FYB1: variants seen among roughly 807,000 people sequenced by gnomAD.
FYB1 encodes the protein FYN binding protein 1, also known as FYN-binding protein 1.
Under a neutral mutation model 94.1 loss-of-function variants are expected in FYB1, and 41 were observed. The ratio of observed to expected loss-of-function variants is 0.44; its 90% CI spans 0.34 to 0.57. The LOEUF is 0.57. Among genes scored for constraint, FYB1 ranks in the 20% least tolerant of loss-of-function variants. The pLI is 0.02. For synonymous variants in FYB1, 367 were observed against 353.2 expected, an observed-to-expected ratio of 1.04 and a Z score of -0.44; for missense variants, 1,050 against 976.8, an observed-to-expected ratio of 1.07 and a Z score of -1.00.
chr5:39,134,762 C>G, intron 8 of FYB1, 93 bp downstream of exon 8: 1 of 1,359,076 alleles, frequency 7.4e-7, no homozygotes, highest in Non-Finnish European at 1.0e-6. Flanking sequence ...GTACTCCTAA[C>G]TCGATGCCTA....
intron 1 of FYB1, among the ~76,000 whole-genome samples, chr5:39,208,095 G>A (rs1486987152): frequency 1.3e-5 from 2 of 152,072 alleles, no homozygotes; most frequent in Admixed American, 6.5e-5. Context: ...GCCACTACTA[G>A]CAATGGTTTT....
chr5:39,142,175 C>T (rs1373543758), intron 3 of FYB1, among the ~76,000 whole-genome samples: 1 of 152,252 alleles, frequency 6.6e-6, no homozygotes, highest in East Asian at 1.9e-4. Context: ...GCTGTATCCC[C>T]CCTGCTTTTC....
chr5:39,272,316 T>C (rs772295297), intron 1 of FYB1, among the ~76,000 whole-genome samples: 5 of 152,154 alleles, frequency 3.3e-5, no homozygotes, highest in African/African-American at 4.8e-5. Context: ...CGTGACACTC[T>C]GACACTGTTC....
intron 16 of FYB1, among the ~76,000 whole-genome samples, chr5:39,111,444 C>T (rs779703469): frequency 9.9e-5 from 15 of 151,540 alleles, no homozygotes; most frequent in African/African-American, 7.3e-5. Context: ...GATAAACTTA[C>T]GTAAATGTAT....
chr5:39,245,463 AG>A lies in FYB1; in HGVS notation c.-28+28939del, dbSNP rs201153497. Among the ~76,000 whole-genome samples the A allele has an allele frequency of 7.7e-3, 1,170 of 152,296 alleles. 25 individuals are homozygous for A. Among genetic ancestry groups the A allele is most frequent in the African/African-American group, 0.027 (1,110 of 41,560 alleles). On this transcript the variant is annotated intron_variant, in intron 1 of 1. Coordinates refer to the FYB1 transcript ENST00000510188. ...TGAGCTTTTGAATGGGTTCTAGCTG[AG>A]AATTCACTATTGTTTCACATGGTCC...
chr5:39,200,438 T>G lies in FYB1; in HGVS notation c.1135+1388A>C, dbSNP rs1388675116. ...TCAGAACTCCTTCCCTGGTGTGAAG[T>G]CACAGCCATAAAATGGAGGTCATAA... On this transcript the variant is annotated intron_variant, in intron 2 of 18. Transcript: ENST00000512982. Among the ~76,000 whole-genome samples the G allele has an allele frequency of 2.0e-5, 3 of 152,152 alleles. No homozygotes were observed. The East Asian group carries it at 5.8e-4, about 29-fold the overall frequency.
At chr5:39,160,225 CTCTGCAGAAGCA>C (rs1243038753) in intron 2 of FYB1, among the ~76,000 whole-genome samples, 1 of 152,206 alleles carries the variant, frequency 6.6e-6, no homozygotes, top group African/African-American at 2.4e-5. Context: ...CATACATGCA[CTCTGCAGAAGCA>C]TCTGACACAT....
chr5:39,157,983 G>A (rs1056759868), intron 2 of FYB1, among the ~76,000 whole-genome samples: 2 of 152,136 alleles, frequency 1.3e-5, no homozygotes, highest in Non-Finnish European at 2.9e-5. Context: ...CTTCAAGAAG[G>A]ACATAATAGG....
At chr5:39,136,227 G>A (rs1387005885) in intron 7 of FYB1, among the ~76,000 whole-genome samples, 1 of 151,802 alleles carries the variant, frequency 6.6e-6, no homozygotes, top group Non-Finnish European at 1.5e-5. Flanking sequence ...CCGCCACCAC[G>A]CCTGGCCAGT....
intron 1 of FYB1, among the ~76,000 whole-genome samples, chr5:39,252,710 C>T (rs1052958342): frequency 6.6e-6 from 1 of 151,860 alleles, no homozygotes. Context: ...GGGTTGGTGC[C>T]TTTCTTTTTA....
At chr5:39,262,761 G>A (rs1752275598) in intron 1 of FYB1, among the ~76,000 whole-genome samples, 1 of 151,972 alleles carries the variant, frequency 6.6e-6, no homozygotes, top group Non-Finnish European at 1.5e-5. Context: ...GGATATTCTT[G>A]AAAAAAACCC....
chr5:39,209,511 A>G (rs921208744), intron 1 of FYB1, among the ~76,000 whole-genome samples: 8 of 152,070 alleles, frequency 5.3e-5, no homozygotes, highest in African/African-American at 1.9e-4. Flanking sequence ...TTTTTAATAG[A>G]GATGGGGTCT....
At chr5:39,120,181 A>G (rs1170044970) in intron 14 of FYB1, among the ~76,000 whole-genome samples, 3 of 152,082 alleles carry the variant, frequency 2.0e-5, no homozygotes, top group African/African-American at 7.2e-5. Flanking sequence ...AGCTTTTTAA[A>G]AAAGATGGTT....
At chr5:39,187,530 C>CCA (rs1746944582) in intron 2 of FYB1, among the ~76,000 whole-genome samples, 1 of 152,172 alleles carries the variant, frequency 6.6e-6, no homozygotes, top group Non-Finnish European at 1.5e-5. Context: ...GTAACTAGGC[C>CCA]AGTACAGTTG....
intron 9 of FYB1, 28 bp downstream of exon 9, chr5:39,134,180 C>T (rs1194360767): frequency 8.6e-6 from 13 of 1,519,594 alleles, no homozygotes; most frequent in Non-Finnish European, 1.2e-5. Context: ...ACAGTTTGAT[C>T]TGTTCTACAA....
chr5:39,178,497 C>G (rs1745931794), intron 2 of FYB1, among the ~76,000 whole-genome samples: 1 of 152,096 alleles, frequency 6.6e-6, no homozygotes, highest in Non-Finnish European at 1.5e-5. Context: ...GGCTGTCCTT[C>G]CTATGAATTA....
At chr5:39,164,772 C>T (rs140592871) in intron 2 of FYB1, among the ~76,000 whole-genome samples, 273 of 152,258 alleles carry the variant, frequency 1.8e-3, no homozygotes, top group African/African-American at 6.4e-3. Flanking sequence ...GAAAGCCTCG[C>T]AAAGAAATTT....
At chr5:39,216,975 A>G (rs1387916871) in intron 1 of FYB1, among the ~76,000 whole-genome samples, 1 of 152,232 alleles carries the variant, frequency 6.6e-6, no homozygotes, top group Non-Finnish European at 1.5e-5. Context: ...GAAAAACAAG[A>G]CAACCACTGA....
intron 2 of FYB1, among the ~76,000 whole-genome samples, chr5:39,167,751 T>A (rs868427446): frequency 6.6e-6 from 1 of 152,224 alleles, no homozygotes; most frequent in African/African-American, 2.4e-5. Context: ...AAGATTTGCA[T>A]ATTTTATTTT....
Sources: gnomAD v4.1 joint callset for allele counts (sites outside exome capture counted in the v4.1 genomes callset) on GRCh38, gnomAD v4.1.1 for gene constraint, MANE v1.5 for transcripts, NCBI Gene and HGNC (gene_info 2026-07-23, HGNC 2026-07-21) for gene names.